GALNTL6: variants seen among roughly 807,000 people sequenced by gnomAD.
GALNTL6 encodes the protein polypeptide N-acetylgalactosaminyltransferase like 6, also known as polypeptide N-acetylgalactosaminyltransferase-like 6.
Under a neutral mutation model 73.7 loss-of-function variants are expected in GALNTL6, and 46 were observed. The ratio of observed to expected loss-of-function variants is 0.62; its 90% CI spans 0.49 to 0.80. The LOEUF is 0.80. Among genes scored for constraint, GALNTL6 ranks in the 30% least tolerant of loss-of-function variants. GALNTL6 has a pLI of 0.00. For synonymous variants in GALNTL6, 259 were observed against 263.7 expected, an observed-to-expected ratio of 0.98 and a Z score of 0.17; for missense variants, 604 against 755.0, an observed-to-expected ratio of 0.80 and a Z score of 2.34.
intron 2 of GALNTL6, among the ~76,000 whole-genome samples, chr4:172,160,349 G>GAA (rs35325563): frequency 2.1e-5 from 3 of 143,542 alleles, no homozygotes; most frequent in African/African-American, 7.7e-5. Flanking sequence ...AGGACTGAAA[G>GAA]AAAAAAAAAA....
intron 5 of GALNTL6, among the ~76,000 whole-genome samples, chr4:172,527,982 T>C (rs1030650689): frequency 1.3e-5 from 2 of 152,028 alleles, no homozygotes; most frequent in African/African-American, 2.4e-5. Flanking sequence ...TTATCAACTA[T>C]AGTTATATAT....
chr4:172,136,873 A>T lies in GALNTL6; in HGVS notation c.139-92783A>T, dbSNP rs1209255455. Among the ~76,000 whole-genome samples the T allele has an allele frequency of 3.9e-5, 6 of 152,184 alleles. No homozygotes were observed. In the South Asian group the frequency reaches 1.2e-3, roughly 32 times the overall value. ...AAAGAGTCAAGCTACGATTTTTATTATGTAAAACAAAGACCCCATAGCAAT... is the reference window on the plus strand; with the variant it reads ...AAAGAGTCAAGCTACGATTTTTATTTTGTAAAACAAAGACCCCATAGCAAT... On this transcript the variant is annotated intron_variant, in intron 2 of 12. Coordinates refer to ENST00000506823, the MANE Select transcript of GALNTL6 (RefSeq NM_001034845.3).
At chr4:172,075,468 G>A (rs984499754) in intron 2 of GALNTL6, among the ~76,000 whole-genome samples, 1 of 152,000 alleles carries the variant, frequency 6.6e-6, no homozygotes, top group Non-Finnish European at 1.5e-5. Flanking sequence ...CCGAGTAGCT[G>A]GGACTACAGG....
intron 5 of GALNTL6, among the ~76,000 whole-genome samples, chr4:172,659,902 C>T (rs371847222): frequency 6.6e-6 from 1 of 152,180 alleles, no homozygotes; most frequent in African/African-American, 2.4e-5. Flanking sequence ...TCAACCCCCA[C>T]AATTGTATAA....
At chr4:172,983,582 C>T (rs1201054116) in intron 10 of GALNTL6, among the ~76,000 whole-genome samples, 1 of 152,150 alleles carries the variant, frequency 6.6e-6, no homozygotes, top group Non-Finnish European at 1.5e-5. Context: ...GTAATACCAG[C>T]TACTCTGGAG....
Position 171,853,451 on chromosome 4 carries a change from T to C in GALNTL6, c.138+38733T>C, listed in dbSNP as rs544054624. Among the ~76,000 whole-genome samples the C allele has an allele frequency of 1.8e-4, 27 of 151,738 alleles. No individual in the cohort carries two copies. The South Asian group carries it at 5.6e-3, about 32-fold the overall frequency. On this transcript the variant is annotated intron_variant, in intron 2 of 12. Coordinates refer to ENST00000506823, the MANE Select transcript of GALNTL6 (RefSeq NM_001034845.3). ...CCCTTTCCTTCTTCCCTTCTTTTAC[T>C]ATGTGTTCATTCTTTTCTTTTTTTT...
intron 2 of GALNTL6, among the ~76,000 whole-genome samples, chr4:171,944,122 T>C (rs1417758537): frequency 6.6e-6 from 1 of 152,020 alleles, no homozygotes; most frequent in African/African-American, 2.4e-5. Flanking sequence ...GTATATCTTT[T>C]CATTATAAAA....
chr4:172,358,023 G>A lies in GALNTL6; in HGVS notation c.553+9334G>A, dbSNP rs569340712. On this transcript the variant is annotated intron_variant, in intron 5 of 12. Transcript: ENST00000506823. ...TCTGCTTCTTAGAAAATAAATGAAA[G>A]TCTCTATGAAAAAAAGATTTTCCTT... 6.6e-5 allele frequency among the ~76,000 whole-genome samples: 10 copies of A among 151,976 alleles called. 1 individual carries two copies. In the South Asian group the frequency reaches 1.0e-3, roughly 16 times the overall value.
intron 2 of GALNTL6, among the ~76,000 whole-genome samples, chr4:172,216,400 A>G (rs576836142): frequency 1.3e-5 from 2 of 151,968 alleles, no homozygotes; most frequent in Admixed American, 6.6e-5. Context: ...TTCTAAAAAT[A>G]TGTCCTTTAG....
intron 4 of GALNTL6, among the ~76,000 whole-genome samples, chr4:172,344,163 T>G (rs1259011982): frequency 6.6e-6 from 1 of 152,206 alleles, no homozygotes; most frequent in East Asian, 1.9e-4. Flanking sequence ...TTTTACTTAT[T>G]AAAGTCAGTT....
At chr4:172,651,423 G>A (rs1288537395) in intron 5 of GALNTL6, among the ~76,000 whole-genome samples, 1 of 152,158 alleles carries the variant, frequency 6.6e-6, no homozygotes, top group African/African-American at 2.4e-5. Flanking sequence ...CATGAAGGCA[G>A]GGATTTTGCT....
At chr4:172,275,190 A>G (rs1468104029) in intron 3 of GALNTL6, among the ~76,000 whole-genome samples, 2 of 152,228 alleles carry the variant, frequency 1.3e-5, no homozygotes, top group Non-Finnish European at 1.5e-5. Flanking sequence ...GACAAAAGAA[A>G]TGTTGATGTT....
chr4:172,084,580 T>C (rs1050175851), intron 2 of GALNTL6, among the ~76,000 whole-genome samples: 1 of 152,212 alleles, frequency 6.6e-6, no homozygotes, highest in African/African-American at 2.4e-5. Flanking sequence ...TCATTTTAAC[T>C]GTGGGTGAAT....
At chr4:172,166,833 G>T (rs1316179672) in intron 2 of GALNTL6, among the ~76,000 whole-genome samples, 1 of 152,170 alleles carries the variant, frequency 6.6e-6, no homozygotes, top group Non-Finnish European at 1.5e-5. Context: ...GAAATAAGGT[G>T]AATTACCTCA....
chr4:172,190,626 T>A (rs972381652), intron 2 of GALNTL6, among the ~76,000 whole-genome samples: 4 of 151,980 alleles, frequency 2.6e-5, no homozygotes, highest in Non-Finnish European at 5.9e-5. Flanking sequence ...CTGAGAGGCA[T>A]GGAGGGAGAG....
At chr4:171,988,195 C>T (rs1166721673) in intron 2 of GALNTL6, among the ~76,000 whole-genome samples, 1 of 152,096 alleles carries the variant, frequency 6.6e-6, no homozygotes, top group Non-Finnish European at 1.5e-5. Context: ...AGTCCTGGCT[C>T]TTGTGTAAGA....
intron 12 of GALNTL6, among the ~76,000 whole-genome samples, chr4:173,027,050 TG>T (rs1172735374): frequency 6.6e-6 from 1 of 152,180 alleles, no homozygotes; most frequent in Non-Finnish European, 1.5e-5. Flanking sequence ...TGCAGTGGTG[TG>T]ATCTTGGCTC....
intron 5 of GALNTL6, among the ~76,000 whole-genome samples, chr4:172,724,683 A>AG (rs778857721): frequency 5.3e-5 from 8 of 152,238 alleles, no homozygotes. Context: ...TGAATTAAGA[A>AG]GGGAAGTTAT....
chr4:172,498,066 C>G (rs578253102), intron 5 of GALNTL6, among the ~76,000 whole-genome samples: 104 of 146,648 alleles, frequency 7.1e-4, no homozygotes, highest in African/African-American at 2.5e-3. Context: ...TCTCAGCTCA[C>G]TGTAACCTCC....
Sources: allele counts gnomAD v4.1 joint callset (sites outside exome capture counted in the v4.1 genomes callset), GRCh38; gene constraint gnomAD v4.1.1; transcripts MANE v1.5; gene names NCBI Gene and HGNC (gene_info 2026-07-23, HGNC 2026-07-21).